PDE7A: variants seen among roughly 807,000 people sequenced by gnomAD.
The protein encoded by PDE7A is high affinity 3',5'-cyclic-AMP phosphodiesterase 7A.
A neutral mutation model predicts 64.3 loss-of-function variants in PDE7A; 39 were observed. The ratio of observed to expected loss-of-function variants is 0.61; its 90% CI spans 0.47 to 0.79. The LOEUF (loss-of-function observed/expected upper bound fraction) is 0.79, where lower values mean the gene tolerates loss of function less well. Among genes scored for constraint, PDE7A ranks in the 30% least tolerant of loss-of-function variants. PDE7A has a pLI of 0.00. For synonymous variants in PDE7A, 203 were observed against 206.8 expected (o/e 0.98, Z 0.16); for missense variants, 470 against 582.8 (o/e 0.81, Z 1.99).
intron 2 of PDE7A, 74 bp downstream of exon 2, chr8:65,782,709 A>G (rs1050035629): frequency 1.3e-6 from 1 of 783,960 alleles, no homozygotes. Flanking sequence ...ATCTAATGAA[A>G]GATACCTCAA....
At chr8:65,827,622 A>G (rs974089191) in intron 1 of PDE7A, among the ~76,000 whole-genome samples, 8 of 152,226 alleles carry the variant, frequency 5.3e-5, no homozygotes, top group African/African-American at 9.6e-5. Context: ...AATAGCATGT[A>G]TAACAGTGGA....
intron 3 of PDE7A, among the ~76,000 whole-genome samples, chr8:65,755,089 C>T (rs1472155761): frequency 6.5e-5 from 9 of 139,108 alleles, no homozygotes; most frequent in Non-Finnish European, 9.2e-5. Flanking sequence ...GGTGTGGTTT[C>T]GGCTCACTGT....
At chr8:65,779,934 T>C in intron 2 of PDE7A, 131 bp from the exon 3 acceptor site, 1 of 465,106 alleles carries the variant, frequency 2.2e-6, no homozygotes, top group Non-Finnish European at 3.8e-6. Context: ...GTGGAACAGG[T>C]AGTTAAGAGC....
intron 5 of PDE7A, among the ~76,000 whole-genome samples, chr8:65,740,766 G>A (rs1208619670): frequency 6.6e-6 from 1 of 152,058 alleles, no homozygotes; most frequent in East Asian, 1.9e-4. Flanking sequence ...TGTTCTATCA[G>A]GTACAACTAT....
chr8:65,810,551 T>C (rs1424700760), intron 1 of PDE7A, among the ~76,000 whole-genome samples: 7 of 151,768 alleles, frequency 4.6e-5, no homozygotes, highest in Admixed American at 4.6e-4. Context: ...TAGTCATCAA[T>C]AGAATAATAC....
At position 65,716,148 on chromosome 8, in the gene PDE7A, C is replaced by CA. The variant is rs376045290; in HGVS notation, c.*3141dup. Among the ~76,000 whole-genome samples, 19,136 of 88,220 alleles carry CA rather than the reference C, an allele frequency of 0.22. 1,425 individuals carry two copies. The highest frequency in any genetic ancestry group is 0.35 in the Middle Eastern group (47 of 136). The allele number at this position is 88,220 out of a possible 152,430, so 57.9% of individuals were successfully genotyped here. On this transcript the variant is annotated 3_prime_UTR_variant, in exon 13 of 13. Transcript: ENST00000401827. ...CCTAGTTAGCAGCGAGACCCTGTCT[C>CA]AAAAAAAAAAAAAAACAAAAGGGCT...
intron 3 of PDE7A, among the ~76,000 whole-genome samples, chr8:65,754,030 C>T (rs1303462497): frequency 6.6e-6 from 1 of 152,044 alleles, no homozygotes; most frequent in Non-Finnish European, 1.5e-5. Flanking sequence ...TAAGTATTAA[C>T]TCACACGATC....
At chr8:65,767,587 C>G (rs1318224987) in intron 3 of PDE7A, among the ~76,000 whole-genome samples, 1 of 152,108 alleles carries the variant, frequency 6.6e-6, no homozygotes, top group Non-Finnish European at 1.5e-5. Context: ...AAGACTCTCC[C>G]CAGAGAGGGT....
chr8:65,748,241 A>G (rs925526596), intron 3 of PDE7A, among the ~76,000 whole-genome samples: 2 of 152,206 alleles, frequency 1.3e-5, no homozygotes, highest in Non-Finnish European at 2.9e-5. Flanking sequence ...GATTTTAACA[A>G]TTACACAAGT....
At chr8:65,784,380 A>T (rs1451049625) in intron 1 of PDE7A, among the ~76,000 whole-genome samples, 1 of 152,218 alleles carries the variant, frequency 6.6e-6, no homozygotes, top group Non-Finnish European at 1.5e-5. Context: ...GATTTTTAAT[A>T]AATAATGTTA....
At chr8:65,822,383 A>G (rs1810563613) in intron 1 of PDE7A, among the ~76,000 whole-genome samples, 1 of 152,220 alleles carries the variant, frequency 6.6e-6, no homozygotes, top group Non-Finnish European at 1.5e-5. Flanking sequence ...AGAGAAAGGG[A>G]TGGCATTGTG....
chr8:65,739,346 A>G (rs550089097), intron 6 of PDE7A, among the ~76,000 whole-genome samples, 156 bp downstream of exon 6: 3 of 152,354 alleles, frequency 2.0e-5, no homozygotes, highest in East Asian at 3.9e-4. Flanking sequence ...ACAGCCCCAC[A>G]GATGCAAGAG....
chr8:65,832,295 C>T (rs1179875295), intron 1 of PDE7A, among the ~76,000 whole-genome samples: 1 of 151,876 alleles, frequency 6.6e-6, no homozygotes, highest in Non-Finnish European at 1.5e-5. Context: ...ATGAAAAATA[C>T]TATACTACAT....
At chr8:65,755,519 G>A (rs1283845306) in intron 3 of PDE7A, among the ~76,000 whole-genome samples, 6 of 152,074 alleles carry the variant, frequency 3.9e-5, no homozygotes, top group Non-Finnish European at 5.9e-5. Flanking sequence ...AACACTGCTC[G>A]TATGCATCTC....
chr8:65,739,736 T>G, intron 5 of PDE7A, 139 bp from the exon 6 acceptor site: 1 of 912,288 alleles, frequency 1.1e-6, no homozygotes, highest in Non-Finnish European at 1.4e-6. Context: ...AATATGCATC[T>G]TCTTACCAGT....
intron 1 of PDE7A, among the ~76,000 whole-genome samples, chr8:65,817,325 T>C (rs950273069): frequency 6.6e-6 from 1 of 152,198 alleles, no homozygotes; most frequent in Non-Finnish European, 1.5e-5. Context: ...CATCTACAAA[T>C]ACACAAACAT....
intron 12 of PDE7A, chr8:65,719,791 A>C: frequency 2.7e-6 from 1 of 370,856 alleles, no homozygotes; most frequent in Non-Finnish European, 5.1e-6. Context: ...CTTAAGCAAA[A>C]ATACACTGCC....
At chr8:65,797,181 C>T (rs1317758327) in intron 1 of PDE7A, among the ~76,000 whole-genome samples, 1 of 151,920 alleles carries the variant, frequency 6.6e-6, no homozygotes, top group African/African-American at 2.4e-5. Context: ...GAATTGTGTC[C>T]CCCCAAAAGA....
intron 1 of PDE7A, among the ~76,000 whole-genome samples, chr8:65,816,447 T>A (rs1192534902): frequency 6.6e-6 from 1 of 152,246 alleles, no homozygotes; most frequent in African/African-American, 2.4e-5. Flanking sequence ...TCCAGTGCTC[T>A]TCATTTCTTC....
Sources: gnomAD v4.1 joint callset for allele counts (sites outside exome capture counted in the v4.1 genomes callset) on GRCh38, gnomAD v4.1.1 for gene constraint, MANE v1.5 for transcripts, NCBI Gene and HGNC (gene_info 2026-07-23, HGNC 2026-07-21) for gene names.